Variants in FMN2 observed in about 807,000 individuals in gnomAD.
FMN2 encodes formin-2.
FMN2 carries 51 observed loss-of-function variants against 142.3 expected under a neutral mutation model. That is an observed-to-expected ratio of 0.36 (90% CI 0.29 to 0.45). The LOEUF is 0.45. Ranked by LOEUF, FMN2 falls within the 20% of genes least tolerant of loss-of-function variation. FMN2 has a pLI of 1.00. For synonymous variants in FMN2, 882 were observed against 869.8 expected, an observed-to-expected ratio of 1.01 and a Z score of -0.25; for missense variants, 1,936 against 2,122.8, an observed-to-expected ratio of 0.91 and a Z score of 1.73.
At chr1:240,111,836 A>G (rs1161488969) in intron 1 of FMN2, among the ~76,000 whole-genome samples, 6 of 152,054 alleles carry the variant, frequency 3.9e-5, no homozygotes. Flanking sequence ...TCCAGGAAGT[A>G]GCTTCTGTTG....
chr1:240,412,982 G>C (rs144796982), intron 15 of FMN2, among the ~76,000 whole-genome samples: 3,209 of 151,466 alleles, frequency 0.021, 127 homozygotes, highest in African/African-American at 0.074. Flanking sequence ...AATTAGCCGG[G>C]TGTAGTGGTG....
At chr1:240,433,799 C>T (rs1675261179) in intron 15 of FMN2, among the ~76,000 whole-genome samples, 1 of 152,058 alleles carries the variant, frequency 6.6e-6, no homozygotes, top group Non-Finnish European at 1.5e-5. Flanking sequence ...ATGATGTTAC[C>T]AGGTGGGTTT....
intron 15 of FMN2, among the ~76,000 whole-genome samples, chr1:240,433,852 G>A (rs976574111): frequency 2.6e-5 from 4 of 152,074 alleles, no homozygotes; most frequent in Admixed American, 6.6e-5. Flanking sequence ...TTTGAGTTTC[G>A]TTGGGGACGT....
intron 16 of FMN2, among the ~76,000 whole-genome samples, chr1:240,468,533 A>G (rs968159712): frequency 1.3e-5 from 2 of 152,148 alleles, no homozygotes; most frequent in African/African-American, 4.8e-5. Context: ...CACTCTATCA[A>G]TGAGGTATTG....
chr1:240,190,971 A>T (rs1665674455), intron 4 of FMN2, among the ~76,000 whole-genome samples: 1 of 152,162 alleles, frequency 6.6e-6, no homozygotes, highest in Non-Finnish European at 1.5e-5. Context: ...TAGTCACTAG[A>T]TGGCAGTTCT....
chr1:240,123,445 A>G (rs1662367095), intron 2 of FMN2, 100 bp downstream of exon 2: 2 of 1,219,910 alleles, frequency 1.6e-6, no homozygotes, highest in African/African-American at 1.6e-5. Context: ...TAAAAACAAC[A>G]TGTGATTCAA....
chr1:240,249,888 T>C (rs1410382542), intron 6 of FMN2, among the ~76,000 whole-genome samples: 1 of 152,100 alleles, frequency 6.6e-6, no homozygotes, highest in Non-Finnish European at 1.5e-5. Context: ...CATTTCTTTC[T>C]CAGCTAGTTC....
intron 15 of FMN2, among the ~76,000 whole-genome samples, chr1:240,437,517 T>G: frequency 6.6e-6 from 1 of 152,182 alleles, no homozygotes; most frequent in Middle Eastern, 3.4e-3. Context: ...TTAGCCAGGA[T>G]GGTCTCGATC....
intron 8 of FMN2, among the ~76,000 whole-genome samples, chr1:240,315,755 T>G (rs1670761260): frequency 6.6e-6 from 1 of 152,168 alleles, no homozygotes; most frequent in Non-Finnish European, 1.5e-5. Context: ...GGAGCTGTAG[T>G]GTGTGAGTCA....
intron 16 of FMN2, among the ~76,000 whole-genome samples, chr1:240,454,857 G>A (rs1331022519): frequency 6.6e-6 from 1 of 151,896 alleles, no homozygotes; most frequent in East Asian, 1.9e-4. Flanking sequence ...CAAGATAAAG[G>A]TGGAAAAGCT....
chr1:240,134,471 A>C (rs2103239632), intron 2 of FMN2, among the ~76,000 whole-genome samples: 1 of 152,194 alleles, frequency 6.6e-6, no homozygotes, highest in African/African-American at 2.4e-5. Flanking sequence ...AAAAAATTTA[A>C]AAAATTAGCC....
Position 240,165,850 on chromosome 1 carries a change from T to C in FMN2, c.1783-12071T>C, listed in dbSNP as rs1664460476. Among the ~76,000 whole-genome samples, 3 of 152,156 alleles carry C rather than the reference T, an allele frequency of 2.0e-5. No individual in the cohort carries two copies. In the South Asian group the frequency reaches 6.2e-4, roughly 32 times the overall value. ...ATCTTTGTTACTAGTGTGATGGAAT[T>C]TTAGATTCTAACCCCAAGTGAGAGG... On this transcript the variant is annotated intron_variant, in intron 2 of 17. Coordinates refer to ENST00000319653, the MANE Select transcript of FMN2 (RefSeq NM_020066.5).
intron 2 of FMN2, among the ~76,000 whole-genome samples, chr1:240,158,851 G>T (rs1294118105): frequency 6.6e-6 from 1 of 152,052 alleles, no homozygotes; most frequent in Non-Finnish European, 1.5e-5. Context: ...ATCTCTTAAA[G>T]ATTGAGCTAA....
At chr1:240,390,775 T>C (rs1325596092) in intron 14 of FMN2, among the ~76,000 whole-genome samples, 1 of 152,222 alleles carries the variant, frequency 6.6e-6, no homozygotes, top group Non-Finnish European at 1.5e-5. Flanking sequence ...AGGAATCGAA[T>C]ACAGATCTCT....
intron 1 of FMN2, among the ~76,000 whole-genome samples, chr1:240,098,210 T>G (rs144451703): frequency 0.015 from 2,312 of 150,440 alleles, 29 homozygotes; most frequent in Admixed American, 0.039. Flanking sequence ...CAAGCAATTC[T>G]CCTGCCTCAG....
intron 1 of FMN2, among the ~76,000 whole-genome samples, chr1:240,114,797 A>G (rs1661957716): frequency 6.6e-6 from 1 of 151,870 alleles, no homozygotes; most frequent in Non-Finnish European, 1.5e-5. Flanking sequence ...AGCTGGAACT[A>G]CAGGCATGCT....
At chr1:240,336,824 A>G (rs1034279020) in intron 13 of FMN2, among the ~76,000 whole-genome samples, 5 of 152,246 alleles carry the variant, frequency 3.3e-5, no homozygotes, top group Middle Eastern at 3.4e-3. Context: ...TTGAAGAGCT[A>G]TTTACAAAGC....
intron 1 of FMN2, among the ~76,000 whole-genome samples, chr1:240,097,394 T>C (rs558935219): frequency 2.0e-4 from 30 of 151,620 alleles, no homozygotes; most frequent in South Asian, 4.2e-4. Context: ...CTCGCTCTGT[T>C]GCCCAGGCTG....
At chr1:240,356,509 G>A (rs1672278142) in intron 14 of FMN2, among the ~76,000 whole-genome samples, 1 of 151,988 alleles carries the variant, frequency 6.6e-6, no homozygotes. Flanking sequence ...AATTTTAGAA[G>A]ATAATAAAGA....
Sources: gnomAD v4.1 joint callset for allele counts (sites outside exome capture counted in the v4.1 genomes callset) on GRCh38, gnomAD v4.1.1 for gene constraint, MANE v1.5 for transcripts, NCBI Gene and HGNC (gene_info 2026-07-23, HGNC 2026-07-21) for gene names.